The following DISC1 variants were observed in gnomAD, a reference collection of about 807,000 sequenced individuals.
DISC1 encodes disrupted in schizophrenia 1 protein.
A neutral mutation model predicts 84.5 loss-of-function variants in DISC1; 57 were observed. That is an observed-to-expected ratio of 0.67 (90% CI 0.55 to 0.84). The LOEUF (loss-of-function observed/expected upper bound fraction) is 0.84. Ranked by LOEUF, DISC1 falls within the 40% of genes least tolerant of loss-of-function variation. The probability of loss-of-function intolerance (pLI) is 0.00; values close to 1 mark genes in which losing one functional copy is unlikely to be tolerated. For synonymous variants in DISC1, 411 were observed against 415.2 expected (o/e 0.99, Z 0.12); for missense variants, 1,000 against 1,057.8 (o/e 0.95, Z 0.76).
chr1:231,767,736 A>T (rs546301959), intron 5 of DISC1, among the ~76,000 whole-genome samples: 1 of 152,360 alleles, frequency 6.6e-6, no homozygotes, highest in Non-Finnish European at 1.5e-5. Context: ...GCTTGTAGGA[A>T]TCTCATTACA....
intron 10 of DISC1, among the ~76,000 whole-genome samples, chr1:231,961,443 A>G (rs984326677): frequency 6.6e-6 from 1 of 152,174 alleles, no homozygotes; most frequent in African/African-American, 2.4e-5. Flanking sequence ...ATATGGATGT[A>G]TCGTGCGATG....
chr1:231,869,595 T>C (rs1396381562), intron 9 of DISC1, among the ~76,000 whole-genome samples: 1 of 151,510 alleles, frequency 6.6e-6, no homozygotes, highest in African/African-American at 2.4e-5. Context: ...ATGTGATCTC[T>C]GGCCAGAGAG....
At chr1:231,813,785 C>T (rs76583560) in intron 8 of DISC1, among the ~76,000 whole-genome samples, 2,763 of 152,258 alleles carry the variant, frequency 0.018, 39 homozygotes, top group Non-Finnish European at 0.026. Flanking sequence ...CTCTTATATT[C>T]TTCCCTCCTG....
chr1:231,733,523 T>G (rs1316433406), intron 3 of DISC1, among the ~76,000 whole-genome samples: 3 of 100,244 alleles, frequency 3.0e-5, no homozygotes, highest in Non-Finnish European at 7.3e-5. Flanking sequence ...GTGATGGTGG[T>G]AGTTGTAGTG....
At chr1:231,784,669 A>G (rs2077695016) in intron 6 of DISC1, among the ~76,000 whole-genome samples, 1 of 152,184 alleles carries the variant, frequency 6.6e-6, no homozygotes, top group African/African-American at 2.4e-5. Flanking sequence ...TCTATACTTT[A>G]TTCCTCCCAT....
intron 9 of DISC1, among the ~76,000 whole-genome samples, chr1:231,891,704 C>T (rs2087234335): frequency 6.6e-6 from 1 of 152,238 alleles, no homozygotes; most frequent in African/African-American, 2.4e-5. Flanking sequence ...GTGGGCGTCA[C>T]CTGCTGTTCC....
chr1:231,811,134 T>C (rs928208778), intron 8 of DISC1, among the ~76,000 whole-genome samples: 3 of 152,258 alleles, frequency 2.0e-5, no homozygotes, highest in African/African-American at 7.2e-5. Flanking sequence ...TCTGAAATGT[T>C]TGATGTGCAA....
chr1:231,893,512 C>T (rs545592837), intron 9 of DISC1, among the ~76,000 whole-genome samples: 1 of 152,322 alleles, frequency 6.6e-6, no homozygotes, highest in South Asian at 2.1e-4. Flanking sequence ...GCCCCCAAAT[C>T]TCAGTTGTTT....
At chr1:231,718,562 G>C (rs551030492) in intron 3 of DISC1, among the ~76,000 whole-genome samples, 1 of 151,414 alleles carries the variant, frequency 6.6e-6, no homozygotes, top group Admixed American at 6.6e-5. Context: ...TCAGCCTCCC[G>C]AGTAGCTGGG....
At chr1:232,008,155 A>G (rs1667693024) in intron 10 of DISC1, among the ~76,000 whole-genome samples, 2 of 152,240 alleles carry the variant, frequency 1.3e-5, no homozygotes, top group African/African-American at 4.8e-5. Flanking sequence ...ACAGACTAAT[A>G]CAATAGAGTC....
intron 3 of DISC1, among the ~76,000 whole-genome samples, chr1:231,708,206 A>G (rs2067326268): frequency 6.6e-6 from 1 of 152,140 alleles, no homozygotes; most frequent in African/African-American, 2.4e-5. Flanking sequence ...GATTAGTATG[A>G]GTCTGCGTGT....
chr1:231,756,909 A>G (rs1490367565), intron 4 of DISC1, among the ~76,000 whole-genome samples: 1 of 152,196 alleles, frequency 6.6e-6, no homozygotes, highest in African/African-American at 2.4e-5. Context: ...CCTAGTTGCT[A>G]AAATTTTTTT....
intron 9 of DISC1, among the ~76,000 whole-genome samples, chr1:231,847,311 A>G (rs915444523): frequency 6.6e-6 from 1 of 152,054 alleles, no homozygotes; most frequent in Non-Finnish European, 1.5e-5. Context: ...CCTCGTTTCA[A>G]TGTTATCACC....
intron 1 of DISC1, among the ~76,000 whole-genome samples, chr1:231,683,310 A>C (rs563746527): frequency 1.3e-5 from 2 of 152,210 alleles, no homozygotes; most frequent in Admixed American, 6.5e-5. Flanking sequence ...TGCCTCCTAG[A>C]ATCACCTGGA....
chr1:232,033,360 A>G (rs1670232311), intron 12 of DISC1, among the ~76,000 whole-genome samples: 2 of 152,150 alleles, frequency 1.3e-5, no homozygotes, highest in Admixed American at 6.5e-5. Context: ...GCCCTGTTCA[A>G]GCCATGATTG....
At chr1:231,967,984 A>G (rs1000667427) in intron 10 of DISC1, among the ~76,000 whole-genome samples, 7 of 152,230 alleles carry the variant, frequency 4.6e-5, no homozygotes, top group Non-Finnish European at 7.3e-5. Context: ...GTAGTTCACT[A>G]TTCTAGACAC....
intron 2 of DISC1, among the ~76,000 whole-genome samples, chr1:231,697,245 T>C (rs975096111): frequency 1.3e-5 from 2 of 152,184 alleles, no homozygotes; most frequent in Non-Finnish European, 2.9e-5. Context: ...CTTATTGATA[T>C]TATATTTTAA....
At chr1:231,771,568 A>G (rs1041315874) in intron 6 of DISC1, 1 of 985,302 alleles carries the variant, frequency 1.0e-6, no homozygotes, top group African/African-American at 1.7e-5. Flanking sequence ...GCAGTGTTAT[A>G]AGCTGACTCT....
intron 10 of DISC1, among the ~76,000 whole-genome samples, chr1:231,978,732 T>A (rs1663175039): frequency 6.6e-6 from 1 of 152,214 alleles, no homozygotes; most frequent in Non-Finnish European, 1.5e-5. Flanking sequence ...AACTTCATTG[T>A]TTTCTGATGT....
Sources: allele counts gnomAD v4.1 joint callset (sites outside exome capture counted in the v4.1 genomes callset), GRCh38; gene constraint gnomAD v4.1.1; transcripts MANE v1.5; gene names NCBI Gene and HGNC (gene_info 2026-07-23, HGNC 2026-07-21).